Variants in TENM4 observed in about 807,000 individuals in gnomAD.
The protein encoded by TENM4 is teneurin transmembrane protein 4.
TENM4 carries 82 observed loss-of-function variants against 243.3 expected under a neutral mutation model. The observed-to-expected ratio is 0.34, with a 90% confidence interval of 0.28 to 0.40. TENM4 has a LOEUF of 0.40. TENM4 is among the 10% of genes least tolerant of loss of function. The pLI is 1.00. For synonymous variants in TENM4, 1,412 were observed against 1,456.3 expected (o/e 0.97, Z 0.69); for missense variants, 3,138 against 3,673.3 (o/e 0.85, Z 3.77).
At chr11:78,737,737 A>C (rs1331693530) in intron 20 of TENM4, among the ~76,000 whole-genome samples, 1 of 152,200 alleles carries the variant, frequency 6.6e-6, no homozygotes, top group Non-Finnish European at 1.5e-5. Context: ...CTGTAATTTT[A>C]ACAAATAGCT....
chr11:79,296,031 T>C (rs774408449), intron 2 of TENM4, among the ~76,000 whole-genome samples: 2 of 151,990 alleles, frequency 1.3e-5, no homozygotes, highest in Non-Finnish European at 2.9e-5. Context: ...ACATCAACCA[T>C]GGTCATAATT....
rs551366241 is a variant in TENM4, at chr11:78,810,623, A to G, written c.1978+1499T>C. On this transcript the variant is annotated intron_variant, in intron 14 of 33. Coordinates refer to ENST00000278550, the MANE Select transcript of TENM4 (RefSeq NM_001098816.3). ...TCTCAGACAGCCCAAAGTAATCCCCATCAAAGTTAACAGGTCTGAATCAGG... is the reference window on the plus strand; with the variant it reads ...TCTCAGACAGCCCAAAGTAATCCCCGTCAAAGTTAACAGGTCTGAATCAGG... 2.6e-5 allele frequency among the ~76,000 whole-genome samples: 4 copies of G among 152,318 alleles called. No individual in the cohort carries two copies. The South Asian group carries it at 8.3e-4, about 32-fold the overall frequency.
chr11:78,931,242 ATC>A (rs1183619741), intron 6 of TENM4, among the ~76,000 whole-genome samples: 1 of 152,134 alleles, frequency 6.6e-6, no homozygotes, highest in Non-Finnish European at 1.5e-5. Flanking sequence ...GTTTCTCTCT[ATC>A]TCTCTTTCTT....
intron 12 of TENM4, among the ~76,000 whole-genome samples, chr11:78,837,152 A>G (rs1222667453): frequency 1.3e-5 from 2 of 152,212 alleles, no homozygotes; most frequent in Admixed American, 6.5e-5. Flanking sequence ...TGTAGCTTCC[A>G]TAATTCCCAT....
intron 2 of TENM4, among the ~76,000 whole-genome samples, chr11:79,236,971 G>A (rs1864486753): frequency 6.6e-6 from 1 of 152,152 alleles, no homozygotes. Context: ...TTCCGTTAAA[G>A]GAGCCCTATG....
chr11:78,999,066 A>G (rs1486167969), intron 6 of TENM4, among the ~76,000 whole-genome samples: 1 of 152,236 alleles, frequency 6.6e-6, no homozygotes, highest in East Asian at 1.9e-4. Context: ...TGTTTTGAGC[A>G]CAGTCTCTGT....
intron 2 of TENM4, among the ~76,000 whole-genome samples, chr11:79,259,838 G>C (rs565904162): frequency 1.3e-5 from 2 of 152,224 alleles, no homozygotes; most frequent in African/African-American, 4.8e-5. Context: ...ACTCTCTTTT[G>C]TTGTCATTTA....
chr11:79,114,382 T>G (rs895497553), intron 4 of TENM4, among the ~76,000 whole-genome samples: 4 of 152,254 alleles, frequency 2.6e-5, no homozygotes, highest in Non-Finnish European at 5.9e-5. Context: ...TTATACCTTA[T>G]AATTATATAC....
chr11:79,256,899 A>G (rs1476661657), intron 2 of TENM4, among the ~76,000 whole-genome samples: 3 of 152,160 alleles, frequency 2.0e-5, no homozygotes, highest in Non-Finnish European at 4.4e-5. Flanking sequence ...GCAATTACTA[A>G]GGGCCTGTGG....
chr11:79,209,376 T>C (rs778158214), intron 3 of TENM4, among the ~76,000 whole-genome samples: 6 of 152,340 alleles, frequency 3.9e-5, no homozygotes, highest in South Asian at 2.1e-4. Context: ...ATGGGAGCCC[T>C]GGGCCAGAAG....
intron 4 of TENM4, among the ~76,000 whole-genome samples, chr11:79,142,193 C>G (rs1292307708): frequency 6.6e-6 from 1 of 152,004 alleles, no homozygotes; most frequent in Non-Finnish European, 1.5e-5. Flanking sequence ...GTCAAATTAT[C>G]CTTGTTTGCA....
intron 4 of TENM4, among the ~76,000 whole-genome samples, chr11:79,088,598 T>C (rs1261209827): frequency 2.6e-5 from 4 of 152,138 alleles, no homozygotes; most frequent in Admixed American, 2.6e-4. Flanking sequence ...CTGAGTGAGT[T>C]AGAAGGAGCT....
intron 1 of TENM4, among the ~76,000 whole-genome samples, chr11:79,367,968 C>T (rs1201097418): frequency 1.3e-5 from 2 of 152,150 alleles, no homozygotes; most frequent in Non-Finnish European, 2.9e-5. Flanking sequence ...ACATCTAAAT[C>T]TGACTAAAGC....
intron 2 of TENM4, among the ~76,000 whole-genome samples, chr11:79,237,506 G>C (rs555101566): frequency 6.6e-6 from 1 of 152,244 alleles, no homozygotes; most frequent in African/African-American, 2.4e-5. Context: ...GTAAAACCCT[G>C]TCTATACTAA....
At chr11:79,173,151 A>G (rs1863084419) in intron 3 of TENM4, among the ~76,000 whole-genome samples, 1 of 152,210 alleles carries the variant, frequency 6.6e-6, no homozygotes. Context: ...CACACAGTCG[A>G]CATGTATTTA....
intron 6 of TENM4, among the ~76,000 whole-genome samples, chr11:78,950,441 T>C (rs1483905244): frequency 1.3e-5 from 2 of 152,124 alleles, no homozygotes; most frequent in African/African-American, 4.8e-5. Flanking sequence ...ACCCTATGGC[T>C]GCCTGAGGGT....
rs376041849 is a variant in TENM4, at chr11:78,723,020, C to G, written c.3551-103G>C. On this transcript the variant is annotated intron_variant, in intron 23 of 33. Coordinates refer to ENST00000278550, the MANE Select transcript of TENM4 (RefSeq NM_001098816.3). ...TGATTTTGCAAGGCATGCAAGATCT[C>G]CATCAACCATTTCCAGGATCATAGC... 1.0e-5 allele frequency: 15 copies of G among 1,476,132 alleles called. No homozygotes were observed. The South Asian group carries it at 2.0e-4, about 19-fold the overall frequency. The allele number at this position is 1,476,132 out of a possible 1,614,324, so 91.4% of individuals were successfully genotyped here.
Position 78,672,269 on chromosome 11 carries a change from A to C in TENM4, c.5557T>G (p.Tyr1853Asp). The change falls in exon 31 of 34, where the codon TAT becomes GAT. Residue 1853 changes from tyrosine to aspartate, a missense_variant. Coordinates refer to ENST00000278550, the MANE Select transcript of TENM4 (RefSeq NM_001098816.3). Reference sequence around the variant, plus strand: ...AGGGTGAACTTGCGGTGGTCATCATAGATCTTCTCTGTGCGTGTTACGCGA... The same window carrying C: ...AGGGTGAACTTGCGGTGGTCATCATCGATCTTCTCTGTGCGTGTTACGCGA... ...FDRVTRTEKI[Y>D]DDHRKFTLRI... 1 of 1,614,084 alleles carries C rather than the reference A, an allele frequency of 6.2e-7. No individual in the cohort carries two copies. Among genetic ancestry groups the C allele is most frequent in the Non-Finnish European group, 8.5e-7 (1 of 1,179,902 alleles).
At position 79,297,224 on chromosome 11, in the gene TENM4, T is replaced by C. The variant is rs577138043; in HGVS notation, c.-265+264A>G. On this transcript the variant is annotated intron_variant, in intron 2 of 33. Coordinates refer to ENST00000278550, the MANE Select transcript of TENM4 (RefSeq NM_001098816.3). Reference sequence around the variant, plus strand: ...ACTATTCCCAGAGAAAGACCCAATGTTGGCCATGTATGGCCTAAAAGGACT... The same window carrying C: ...ACTATTCCCAGAGAAAGACCCAATGCTGGCCATGTATGGCCTAAAAGGACT... 8.5e-5 allele frequency among the ~76,000 whole-genome samples: 13 copies of C among 152,352 alleles called. No homozygotes were observed. The South Asian group carries it at 2.7e-3, about 32-fold the overall frequency.
Sources: allele counts gnomAD v4.1 joint callset (sites outside exome capture counted in the v4.1 genomes callset), GRCh38; gene constraint gnomAD v4.1.1; transcripts MANE v1.5; gene names NCBI Gene and HGNC (gene_info 2026-07-23, HGNC 2026-07-21).